TOM1L1: variants seen among roughly 807,000 people sequenced by gnomAD.
The protein encoded by TOM1L1 is target of myb1 like 1 membrane trafficking protein.
Under a neutral mutation model 63.4 loss-of-function variants are expected in TOM1L1, and 64 were observed. The ratio of observed to expected loss-of-function variants is 1.01; its 90% confidence interval spans 0.83 to 1.24. TOM1L1 has a LOEUF of 1.24. Ranked by LOEUF, TOM1L1 falls within the 50% of genes most tolerant of loss-of-function variation. The pLI is 0.00. For missense variants in TOM1L1, 536 were observed against 567.0 expected, an observed-to-expected ratio of 0.95 and a Z score of 0.55; for synonymous variants, 166 against 194.4, an observed-to-expected ratio of 0.85 and a Z score of 1.22.
chr17:54,914,614 A>C, intron 5 of TOM1L1, 25 bp from the exon 6 acceptor site: 1 of 1,584,492 alleles, frequency 6.3e-7, no homozygotes, highest in Non-Finnish European at 8.7e-7. Flanking sequence ...TCACATAATA[A>C]TATTACCATG....
intron 7 of TOM1L1, among the ~76,000 whole-genome samples, chr17:54,922,089 G>A (rs891407894): frequency 3.0e-4 from 45 of 151,932 alleles, no homozygotes; most frequent in Admixed American, 2.0e-3. Flanking sequence ...TCAGGAGGTG[G>A]AGACCATCCT....
intron 7 of TOM1L1, among the ~76,000 whole-genome samples, chr17:54,924,715 C>T (rs2048740510): frequency 6.6e-6 from 1 of 150,552 alleles, no homozygotes; most frequent in Non-Finnish European, 1.5e-5. Context: ...GGTTCTGGCT[C>T]CCAGATTAGT....
intron 14 of TOM1L1, chr17:54,957,514 A>C (rs1361904466): frequency 6.6e-6 from 1 of 152,210 alleles, no homozygotes; most frequent in Non-Finnish European, 1.5e-5. Flanking sequence ...AGTGTCACAG[A>C]TACTGGCGGT....
At chr17:54,924,082 T>C (rs1311215755) in intron 7 of TOM1L1, among the ~76,000 whole-genome samples, 2 of 152,056 alleles carry the variant, frequency 1.3e-5, no homozygotes, top group African/African-American at 2.4e-5. Flanking sequence ...GGAGTAAAAC[T>C]AGACCTCTCT....
intron 11 of TOM1L1, among the ~76,000 whole-genome samples, chr17:54,946,762 A>G (rs549533795): frequency 6.6e-6 from 1 of 152,262 alleles, no homozygotes; most frequent in African/African-American, 2.4e-5. Flanking sequence ...AAAACGGTAA[A>G]TTCACCAACA....
intron 7 of TOM1L1, among the ~76,000 whole-genome samples, chr17:54,921,276 G>A (rs2048678923): frequency 1.3e-5 from 2 of 152,176 alleles, no homozygotes; most frequent in South Asian, 2.1e-4. Flanking sequence ...TTAATATCTA[G>A]CATTTTTAGG....
intron 4 of TOM1L1, 26 bp downstream of exon 4, chr17:54,912,841 A>G: frequency 1.3e-6 from 2 of 1,515,132 alleles, no homozygotes; most frequent in Non-Finnish European, 1.8e-6. Context: ...ACCTCATGGG[A>G]TGGTAAATTT....
chr17:54,949,924 G>A (rs1248975430), intron 13 of TOM1L1, 121 bp from the exon 14 acceptor site: 2 of 773,764 alleles, frequency 2.6e-6, no homozygotes, highest in African/African-American at 3.5e-5. Flanking sequence ...TGGGACACCA[G>A]TCTGTTTTGG....
At position 54,939,120 on chromosome 17, in the gene TOM1L1, T is replaced by C. The variant is rs183729220; in HGVS notation, c.1130+100T>C. On this transcript the variant is annotated intron_variant, in intron 11 of 15. Coordinates refer to ENST00000575882, the MANE Select transcript of TOM1L1 (RefSeq NM_005486.3). ...TGGGCGCAGTGACTTACATCTGTAATCCTAGCACTTTGGGAGGCCAAGGCA... is the reference window on the plus strand; with the variant it reads ...TGGGCGCAGTGACTTACATCTGTAACCCTAGCACTTTGGGAGGCCAAGGCA... 3 of 784,450 alleles carry C rather than the reference T, an allele frequency of 3.8e-6. No homozygotes were observed. In the Admixed American group the frequency reaches 8.1e-5, roughly 21 times the overall value. 48.6% of individuals were successfully genotyped at this position (784,450 alleles called of 1,614,324 possible). A position where few individuals can be genotyped will look rare whatever the true frequency, so the allele number is the denominator to read the frequency against.
chr17:54,917,768 G>C (rs904191644), intron 7 of TOM1L1, among the ~76,000 whole-genome samples: 4 of 152,194 alleles, frequency 2.6e-5, no homozygotes, highest in African/African-American at 9.6e-5. Flanking sequence ...CTGAAGGGAG[G>C]ATGTAATTGC....
chr17:54,958,038 A>T (rs953937517), intron 14 of TOM1L1: 1 of 152,224 alleles, frequency 6.6e-6, no homozygotes, highest in South Asian at 2.1e-4. Context: ...TGCAATTCTT[A>T]GTTAAGTGAA....
intron 11 of TOM1L1, among the ~76,000 whole-genome samples, chr17:54,946,540 A>G (rs1598051877): frequency 6.6e-6 from 1 of 152,182 alleles, no homozygotes; most frequent in African/African-American, 2.4e-5. Flanking sequence ...CGCTACAGCC[A>G]CTTTGGGGTT....
intron 6 of TOM1L1, 93 bp from the exon 7 acceptor site, chr17:54,915,653 T>C: frequency 1.2e-6 from 1 of 852,350 alleles, no homozygotes; most frequent in Non-Finnish European, 1.7e-6. Context: ...TGCAAAAGCA[T>C]TTTTTCATCC....
At chr17:54,931,405 TCTC>T (rs1487995961) in intron 8 of TOM1L1, among the ~76,000 whole-genome samples, 1 of 152,220 alleles carries the variant, frequency 6.6e-6, no homozygotes, top group African/African-American at 2.4e-5. Context: ...AGTAATTTCT[TCTC>T]TTCCTCTGCA....
At chr17:54,953,964 C>T (rs1337891856) in intron 14 of TOM1L1, 1 of 152,114 alleles carries the variant, frequency 6.6e-6, no homozygotes, top group East Asian at 1.9e-4. Context: ...TCATTAGGGC[C>T]TTGTTCTATT....
intron 8 of TOM1L1, chr17:54,930,422 C>T (rs1272706453): frequency 5.8e-6 from 3 of 518,640 alleles, no homozygotes; most frequent in African/African-American, 3.9e-5. Context: ...AGTGACATTT[C>T]AGCCCAGCAT....
intron 4 of TOM1L1, among the ~76,000 whole-genome samples, chr17:54,913,415 C>T (rs61182754): frequency 0.13 from 20,128 of 152,016 alleles, 1,756 homozygotes; most frequent in East Asian, 0.36. Context: ...CCTGTAATCC[C>T]AGCACTTTGG....
chr17:54,924,720 AT>A (rs1422696313), intron 7 of TOM1L1, among the ~76,000 whole-genome samples: 1 of 148,088 alleles, frequency 6.8e-6, no homozygotes, highest in Non-Finnish European at 1.5e-5. Context: ...TGGCTCCCAG[AT>A]TAGTGCCTAA....
At chr17:54,950,563 TTTAC>T (rs1466623123) in intron 14 of TOM1L1, among the ~76,000 whole-genome samples, 1 of 152,222 alleles carries the variant, frequency 6.6e-6, no homozygotes, top group African/African-American at 2.4e-5. Context: ...ACAATTACTT[TTTAC>T]TTAAAATCCT....
Sources: allele counts gnomAD v4.1 joint callset (sites outside exome capture counted in the v4.1 genomes callset), GRCh38; gene constraint gnomAD v4.1.1; transcripts MANE v1.5; gene names NCBI Gene and HGNC (gene_info 2026-07-23, HGNC 2026-07-21).